Variants in LDLRAD4 observed in about 807,000 individuals in gnomAD.
LDLRAD4 encodes low density lipoprotein receptor class A domain containing 4.
Under a neutral mutation model 17.0 loss-of-function variants are expected in LDLRAD4, and 5 were observed. That is an observed-to-expected ratio of 0.29 (90% confidence interval 0.15 to 0.62). The LOEUF (loss-of-function observed/expected upper bound fraction) is 0.62, where lower values mean the gene tolerates loss of function less well. Ranked by LOEUF, LDLRAD4 falls within the 20% of genes least tolerant of loss-of-function variation. The pLI is 0.84. For missense variants in LDLRAD4, 340 were observed against 424.7 expected, an observed-to-expected ratio of 0.80 and a Z score of 1.75; for synonymous variants, 168 against 171.8, an observed-to-expected ratio of 0.98 and a Z score of 0.17.
intron 3 of LDLRAD4, among the ~76,000 whole-genome samples, chr18:13,547,423 G>T (rs1284407): frequency 6.6e-6 from 1 of 152,030 alleles, no homozygotes; most frequent in Non-Finnish European, 1.5e-5. Context: ...TGCTTCACCC[G>T]CTGGAAACCT....
chr18:13,233,399 G>T (rs1189056931), intron 1 of LDLRAD4, among the ~76,000 whole-genome samples: 1 of 152,186 alleles, frequency 6.6e-6, no homozygotes, highest in African/African-American at 2.4e-5. Flanking sequence ...AGTAAGAGGC[G>T]GGACAGCTGT....
At chr18:13,600,062 T>C (rs1421361865) in intron 3 of LDLRAD4, among the ~76,000 whole-genome samples, 3 of 152,196 alleles carry the variant, frequency 2.0e-5, no homozygotes, top group Non-Finnish European at 4.4e-5. Context: ...AGCAATCCTC[T>C]TGCCTTAGCC....
intron 1 of LDLRAD4, among the ~76,000 whole-genome samples, chr18:13,281,170 T>C (rs1279360193): frequency 1.3e-5 from 2 of 152,174 alleles, no homozygotes; most frequent in Admixed American, 6.5e-5. Context: ...GAGTATCGCT[T>C]GAGCACAGAA....
At chr18:13,546,030 T>A (rs2094357062) in intron 3 of LDLRAD4, among the ~76,000 whole-genome samples, 1 of 152,208 alleles carries the variant, frequency 6.6e-6, no homozygotes, top group South Asian at 2.1e-4. Flanking sequence ...CTTCCCCCTC[T>A]GGACCTAAGT....
chr18:13,593,549 TTATC>T (rs1001559195), intron 3 of LDLRAD4, among the ~76,000 whole-genome samples: 93 of 151,834 alleles, frequency 6.1e-4, no homozygotes, highest in South Asian at 4.6e-3. Flanking sequence ...TTTATTTACT[TTATC>T]TATCTATCTG....
chr18:13,272,274 A>C (rs921970214), intron 1 of LDLRAD4, among the ~76,000 whole-genome samples: 1 of 152,110 alleles, frequency 6.6e-6, no homozygotes, highest in African/African-American at 2.4e-5. Context: ...CCAGGTAGAA[A>C]TCCCCTAGAG....
At chr18:13,591,032 T>G (rs1216264716) in intron 3 of LDLRAD4, among the ~76,000 whole-genome samples, 1 of 152,190 alleles carries the variant, frequency 6.6e-6, no homozygotes, top group East Asian at 1.9e-4. Context: ...GTATCATGTG[T>G]GGGTTTTAGT....
At chr18:13,278,254 G>C (rs1050488618) in intron 1 of LDLRAD4, 66 bp downstream of exon 2, 6 of 152,348 alleles carry the variant, frequency 3.9e-5, no homozygotes, top group Admixed American at 2.0e-4. Context: ...GTCGCGGCAG[G>C]AGCTGCTCTG....
intron 1 of LDLRAD4, among the ~76,000 whole-genome samples, chr18:13,351,132 T>C (rs376525923): frequency 1.2e-4 from 19 of 152,342 alleles, no homozygotes; most frequent in African/African-American, 4.6e-4. Flanking sequence ...TGGTTCCATA[T>C]GAAATTTAAA....
chr18:13,252,421 G>T (rs959981646), intron 1 of LDLRAD4, among the ~76,000 whole-genome samples: 2 of 152,234 alleles, frequency 1.3e-5, no homozygotes, highest in Admixed American at 6.5e-5. Context: ...GAGCAACTGT[G>T]CCCGGCCTTC....
At chr18:13,562,248 G>A (rs151336676) in intron 3 of LDLRAD4, among the ~76,000 whole-genome samples, 32 of 152,332 alleles carry the variant, frequency 2.1e-4, no homozygotes, top group African/African-American at 7.7e-4. Flanking sequence ...GTGCAGCTGT[G>A]TTTGGTAGAG....
At chr18:13,221,381 C>A (rs1183222127) in intron 1 of LDLRAD4, among the ~76,000 whole-genome samples, 1 of 152,036 alleles carries the variant, frequency 6.6e-6, no homozygotes, top group African/African-American at 2.4e-5. Flanking sequence ...CCATTATTTT[C>A]TGATGTCAAA....
intron 2 of LDLRAD4, among the ~76,000 whole-genome samples, chr18:13,436,593 A>T (rs944783932): frequency 2.6e-5 from 4 of 152,250 alleles, no homozygotes; most frequent in African/African-American, 9.6e-5. Context: ...ATAAATCCAT[A>T]GTCCAATATT....
intron 1 of LDLRAD4, among the ~76,000 whole-genome samples, chr18:13,364,901 G>A (rs564307783): frequency 6.6e-6 from 1 of 152,316 alleles, no homozygotes; most frequent in East Asian, 1.9e-4. Flanking sequence ...AGTGTGCAAA[G>A]TGTGATGGGG....
intron 2 of LDLRAD4, among the ~76,000 whole-genome samples, chr18:13,431,847 T>C (rs1254662958): frequency 2.6e-5 from 4 of 152,172 alleles, no homozygotes; most frequent in African/African-American, 9.7e-5. Context: ...TGCTTTGGGG[T>C]TAACTTAATT....
At chr18:13,384,357 TATTCA>T (rs1355076583) in intron 1 of LDLRAD4, among the ~76,000 whole-genome samples, 1 of 152,254 alleles carries the variant, frequency 6.6e-6, no homozygotes, top group African/African-American at 2.4e-5. Context: ...ATGGTAGAAA[TATTCA>T]ATTCAAATGA....
chr18:13,629,821 T>G (rs1015792291), intron 4 of LDLRAD4, among the ~76,000 whole-genome samples: 2 of 151,980 alleles, frequency 1.3e-5, no homozygotes, highest in African/African-American at 4.8e-5. Flanking sequence ...TTAATGATCA[T>G]AACTCTGGGT....
At chr18:13,533,544 AAC>A (rs2094159267) in intron 3 of LDLRAD4, among the ~76,000 whole-genome samples, 1 of 152,176 alleles carries the variant, frequency 6.6e-6, no homozygotes, top group African/African-American at 2.4e-5. Context: ...ATTTGGTTTA[AAC>A]ATGTGGATTT....
intron 1 of LDLRAD4, among the ~76,000 whole-genome samples, chr18:13,231,171 T>G (rs2042052943): frequency 6.6e-6 from 1 of 152,044 alleles, no homozygotes; most frequent in Non-Finnish European, 1.5e-5. Context: ...CAGAGGCGTA[T>G]AGATGTCTAT....
Sources: gnomAD v4.1 joint callset for allele counts (sites outside exome capture counted in the v4.1 genomes callset) on GRCh38, gnomAD v4.1.1 for gene constraint, MANE v1.5 for transcripts, NCBI Gene and HGNC (gene_info 2026-07-23, HGNC 2026-07-21) for gene names.